CHST10: variants seen among roughly 807,000 people sequenced by gnomAD.
CHST10 encodes HNK-1 sulfotransferase.
Under a neutral mutation model 34.7 loss-of-function variants are expected in CHST10, and 24 were observed. The ratio of observed to expected loss-of-function variants is 0.69; its 90% CI spans 0.50 to 0.97. CHST10 has a LOEUF of 0.97. Among genes scored for constraint, CHST10 ranks in the 50% least tolerant of loss-of-function variants. CHST10 has a pLI of 0.00. For synonymous variants in CHST10, 161 were observed against 169.3 expected (o/e 0.95, Z 0.38); for missense variants, 402 against 452.1 (o/e 0.89, Z 1.00).
intron 5 of CHST10, among the ~76,000 whole-genome samples, 186 bp downstream of exon 5, chr2:100,397,722 C>T (rs1414247390): frequency 1.3e-5 from 2 of 152,104 alleles, no homozygotes; most frequent in Admixed American, 6.6e-5. Flanking sequence ...GGTGTCTAAA[C>T]GAGCCCCACT....
chr2:100,400,225 G>A (rs1462885199), intron 4 of CHST10, among the ~76,000 whole-genome samples: 1 of 152,168 alleles, frequency 6.6e-6, no homozygotes, highest in Non-Finnish European at 1.5e-5. Flanking sequence ...TTTTCTTTTA[G>A]CAAAGCATTA....
chr2:100,403,628 T>C (rs1165160848), intron 3 of CHST10, among the ~76,000 whole-genome samples: 1 of 152,084 alleles, frequency 6.6e-6, no homozygotes, highest in Admixed American at 6.6e-5. Flanking sequence ...TGATGGGGGT[T>C]CTGAGGCTGG....
At chr2:100,405,118 A>G (rs1429471191) in intron 3 of CHST10, among the ~76,000 whole-genome samples, 1 of 152,202 alleles carries the variant, frequency 6.6e-6, no homozygotes, top group Non-Finnish European at 1.5e-5. Context: ...ACTGTGCTGA[A>G]GCTGCCATGG....
chr2:100,395,359 A>G, intron 6 of CHST10, 150 bp downstream of exon 6: 1 of 597,658 alleles, frequency 1.7e-6, no homozygotes, highest in Non-Finnish European at 2.9e-6. Flanking sequence ...TGGGGGGTGT[A>G]GCTTAGCTGC....
intron 2 of CHST10, chr2:100,408,352 T>G (rs1355177114): frequency 6.6e-6 from 1 of 152,114 alleles, no homozygotes; most frequent in Non-Finnish European, 1.5e-5. Context: ...ATGTCAGAGA[T>G]AGTGAGGCAC....
intron 1 of CHST10, chr2:100,417,072 T>C (rs891730191): frequency 7.7e-7 from 1 of 1,302,992 alleles, no homozygotes; most frequent in Non-Finnish European, 1.0e-6. Context: ...TCTCTCCATC[T>C]ACAATTACAA....
chr2:100,413,241 C>CA (rs1675921216), intron 2 of CHST10, among the ~76,000 whole-genome samples: 1 of 152,240 alleles, frequency 6.6e-6, no homozygotes, highest in African/African-American at 2.4e-5. Context: ...AGACAACTCT[C>CA]AGAGTGCCTC....
At chr2:100,406,540 T>G in intron 3 of CHST10, 36 bp downstream of exon 3, 1 of 1,612,340 alleles carries the variant, frequency 6.2e-7, no homozygotes, top group Non-Finnish European at 8.5e-7. Flanking sequence ...TAGGTCTAAA[T>G]TAGCCAAAAT....
intron 6 of CHST10, among the ~76,000 whole-genome samples, chr2:100,394,768 A>C (rs1674973827): frequency 6.9e-6 from 1 of 145,416 alleles, no homozygotes; most frequent in South Asian, 2.2e-4. Flanking sequence ...CTGTCGCCCC[A>C]GCTAGAGTAC....
intron 2 of CHST10, among the ~76,000 whole-genome samples, chr2:100,409,429 G>T (rs1675724405): frequency 6.6e-6 from 1 of 152,126 alleles, no homozygotes; most frequent in African/African-American, 2.4e-5. Flanking sequence ...CTCTCCTGAA[G>T]CCATATGTGC....
Position 100,393,383 on chromosome 2 carries a change from G to A in CHST10, c.933C>T (p.Gly311=). The A allele has an allele frequency of 2.5e-6, 4 of 1,614,190 alleles. No individual in the cohort carries two copies. Among genetic ancestry groups the A allele is most frequent in the Non-Finnish European group, 3.4e-6 (4 of 1,180,024 alleles). The change falls in exon 7 of 7, where the codon GGC becomes GGT. Residue 311 remains glycine, a synonymous_variant. Coordinates refer to ENST00000264249, the MANE Select transcript of CHST10 (RefSeq NM_004854.5). The part of the protein sequence containing the change: ...HLVSYPTIPP[G]ITVYNRTKVE... ...CCTTGGTTCTGTTATACACGGTAAT[G>A]CCCGGAGGGATAGTCGGGTATGACA...
At chr2:100,412,052 A>G (rs1297047269) in intron 2 of CHST10, among the ~76,000 whole-genome samples, 1 of 152,190 alleles carries the variant, frequency 6.6e-6, no homozygotes, top group Admixed American at 6.5e-5. Flanking sequence ...GCCCCTGAAG[A>G]GAGTTTTACA....
intron 3 of CHST10, among the ~76,000 whole-genome samples, chr2:100,403,355 G>A (rs561372533): frequency 5.3e-5 from 8 of 152,218 alleles, no homozygotes; most frequent in East Asian, 3.9e-4. Context: ...CATTCCCTTC[G>A]CTGAGGGGGA....
chr2:100,402,550 C>T lies in CHST10; in HGVS notation c.192+14G>A, dbSNP rs200674507. 6.8e-5 allele frequency: 110 copies of T among 1,611,908 alleles called. No individual in the cohort carries two copies. In the Admixed American group the frequency reaches 1.8e-3, roughly 26 times the overall value. On this transcript the variant is annotated intron_variant, in intron 4 of 6. Coordinates refer to ENST00000264249, the MANE Select transcript of CHST10 (RefSeq NM_004854.5). Reference sequence around the variant, plus strand: ...TGTTCAAGAGGACAAGGACCACGGCCTGGCTGTGCCCACCTTCAGTTCCTC... The same window carrying T: ...TGTTCAAGAGGACAAGGACCACGGCTTGGCTGTGCCCACCTTCAGTTCCTC...
At position 100,393,752 on chromosome 2, in the gene CHST10, T is replaced by C; in HGVS notation, c.564A>G (p.Val188=). The change falls in exon 7 of 7, where the codon GTA becomes GTG. Residue 188 remains valine (V), a synonymous_variant. Transcript: ENST00000264249. ...RLKTYFKFFI[V]RDPFERLISA... is the part of the protein sequence containing the mutation. ...AAATAAGTCTTTCGAAGGGATCTCT[T>C]ACAATAAAAAACTTGAAGTATGTTT... 6.2e-7 allele frequency: 1 copy of C among 1,610,992 alleles called. No individual in the cohort carries two copies. The highest frequency in any genetic ancestry group is 2.2e-5 in the East Asian group (1 of 44,874).
chr2:100,401,277 A>C (rs1311455505), intron 4 of CHST10, among the ~76,000 whole-genome samples: 3 of 152,202 alleles, frequency 2.0e-5, no homozygotes, highest in Non-Finnish European at 4.4e-5. Flanking sequence ...TCCCAAATGC[A>C]AACAGAATAA....
chr2:100,402,525 T>C lies in CHST10; in HGVS notation c.192+39A>G, dbSNP rs182274189. The C allele has an allele frequency of 7.6e-4, 1,186 of 1,564,754 alleles. 3 individuals carry two copies. The highest frequency in any genetic ancestry group is 3.6e-3 in the Admixed American group (214 of 59,870). ...CCAGCTCCCCGCGACAAGGGTGCCG[T>C]GTTCAAGAGGACAAGGACCACGGCC... On this transcript the variant is annotated intron_variant, in intron 4 of 6. Transcript: ENST00000264249.
chr2:100,412,161 A>T (rs1020890890), intron 2 of CHST10, among the ~76,000 whole-genome samples: 1 of 152,248 alleles, frequency 6.6e-6, no homozygotes, highest in African/African-American at 2.4e-5. Context: ...CCACTCAGCC[A>T]CTGCCCAGTC....
At chr2:100,411,091 T>C (rs1054141770) in intron 2 of CHST10, among the ~76,000 whole-genome samples, 3 of 151,616 alleles carry the variant, frequency 2.0e-5, no homozygotes, top group Non-Finnish European at 4.4e-5. Context: ...ATTCATATTT[T>C]AAATATTTGT....
Sources: allele counts gnomAD v4.1 joint callset (sites outside exome capture counted in the v4.1 genomes callset), GRCh38; gene constraint gnomAD v4.1.1; transcripts MANE v1.5; gene names NCBI Gene and HGNC (gene_info 2026-07-23, HGNC 2026-07-21).